TLK1: variants seen among roughly 807,000 people sequenced by gnomAD.
TLK1 encodes the protein serine/threonine-protein kinase tousled-like 1.
TLK1 carries 24 observed loss-of-function variants against 105.3 expected under a neutral mutation model. The ratio of observed to expected loss-of-function variants is 0.23; its 90% CI spans 0.17 to 0.32. The LOEUF is 0.32. TLK1 is among the 10% of genes least tolerant of loss of function. The probability of loss-of-function intolerance (pLI) is 1.00; values close to 1 mark genes in which losing one functional copy is unlikely to be tolerated. For synonymous variants in TLK1, 321 were observed against 310.4 expected, an observed-to-expected ratio of 1.03 and a Z score of -0.36; for missense variants, 558 against 910.5, an observed-to-expected ratio of 0.61 and a Z score of 4.98.
At chr2:171,129,663 A>AC (rs755929571) in intron 1 of TLK1, among the ~76,000 whole-genome samples, 1 of 151,754 alleles carries the variant, frequency 6.6e-6, no homozygotes. Context: ...ACCTGAAGAG[A>AC]CCCCATCTCT....
At chr2:171,148,889 AAATAT>A (rs1338026331) in intron 1 of TLK1, among the ~76,000 whole-genome samples, 3 of 69,954 alleles carry the variant, frequency 4.3e-5, no homozygotes, top group South Asian at 5.6e-4. Context: ...TAAAAAAAAA[AAATAT>A]ATATATATAT....
At chr2:171,034,373 T>A (rs1329225694) in intron 11 of TLK1, among the ~76,000 whole-genome samples, 1 of 152,156 alleles carries the variant, frequency 6.6e-6, no homozygotes, top group African/African-American at 2.4e-5. Context: ...ATGAACAAAT[T>A]GTGCATAATC....
chr2:171,069,692 G>C (rs1475066317), intron 3 of TLK1, among the ~76,000 whole-genome samples: 1 of 152,158 alleles, frequency 6.6e-6, no homozygotes, highest in Non-Finnish European at 1.5e-5. Context: ...TAACTGTACG[G>C]TGTGCTTTTT....
In TLK1 at chr2:171,011,331, T is replaced by G. The variant is rs780921834; in HGVS notation, c.1416+42A>C. ...TCTTAACCACATACTCCTATATCCTTGCTACATTAGTGTAAAAAAAACAGA... is the reference window on the plus strand; with the variant it reads ...TCTTAACCACATACTCCTATATCCTGGCTACATTAGTGTAAAAAAAACAGA... On this transcript the variant is annotated intron_variant, in intron 14 of 20. Coordinates refer to ENST00000431350, the MANE Select transcript of TLK1 (RefSeq NM_012290.5). 14 of 1,536,234 alleles carry G rather than the reference T, an allele frequency of 9.1e-6. No individual in the cohort carries two copies. The East Asian group carries it at 2.5e-4, about 27-fold the overall frequency.
intron 1 of TLK1, among the ~76,000 whole-genome samples, chr2:171,226,221 T>C (rs183052357): frequency 6.6e-6 from 1 of 152,340 alleles, no homozygotes; most frequent in East Asian, 1.9e-4. Context: ...ATCTAACCTA[T>C]TCTGACTGTT....
rs1291266160 is a variant in TLK1, at chr2:171,037,725, A to G, written c.1169+8449T>C. Reference sequence around the variant, plus strand: ...CATAAACCCAACTTGGTCTTCATAAATTAGCATTTTTATATATTATATGTT... The same window carrying G: ...CATAAACCCAACTTGGTCTTCATAAGTTAGCATTTTTATATATTATATGTT... On this transcript the variant is annotated intron_variant, in intron 11 of 20. Transcript: ENST00000431350. Among the ~76,000 whole-genome samples the G allele has an allele frequency of 2.0e-5, 3 of 152,244 alleles. No homozygotes were observed. In the East Asian group the frequency reaches 5.8e-4, roughly 29 times the overall value.
chr2:171,223,045 C>T lies in TLK1; in HGVS notation c.-6+8100G>A, dbSNP rs538110937. Among the ~76,000 whole-genome samples the T allele has an allele frequency of 3.3e-5, 5 of 152,152 alleles. No homozygotes were observed. The East Asian group carries it at 9.7e-4, about 29-fold the overall frequency. The stretch of plus-strand genomic sequence containing the variant: ...AGCCAGGCTCATTTCGAACTCCTGA[C>T]CTCAAATGATCTGCACGCCTCTGCC... On this transcript the variant is annotated intron_variant, in intron 1 of 20. Coordinates refer to the TLK1 transcript ENST00000521943.
At chr2:171,223,896 G>A (rs1048937376) in intron 1 of TLK1, among the ~76,000 whole-genome samples, 6 of 150,076 alleles carry the variant, frequency 4.0e-5, no homozygotes, top group African/African-American at 9.8e-5. Flanking sequence ...TTCCCATTCT[G>A]TGTTGTCTCT....
chr2:171,084,706 A>C (rs1378456578), intron 2 of TLK1, among the ~76,000 whole-genome samples: 1 of 152,234 alleles, frequency 6.6e-6, no homozygotes, highest in East Asian at 1.9e-4. Context: ...ACACACATCC[A>C]CAAAATAGGT....
intron 1 of TLK1, among the ~76,000 whole-genome samples, chr2:171,129,830 A>AATAACATAAT (rs1691022069): frequency 7.0e-6 from 1 of 142,582 alleles, no homozygotes; most frequent in Admixed American, 7.2e-5. Flanking sequence ...TAGGTTACCA[A>AATAACATAAT]ATAACATAAC....
At chr2:171,044,537 C>A (rs1575546321) in intron 11 of TLK1, among the ~76,000 whole-genome samples, 1 of 152,148 alleles carries the variant, frequency 6.6e-6, no homozygotes, top group Admixed American at 6.5e-5. Context: ...ATATTCAAGA[C>A]TGAGACAGAA....
intron 12 of TLK1, among the ~76,000 whole-genome samples, chr2:171,025,517 T>C (rs1685731740): frequency 6.6e-6 from 1 of 152,158 alleles, no homozygotes; most frequent in Non-Finnish European, 1.5e-5. Flanking sequence ...ATCTAAACCG[T>C]AAACTGACTG....
At chr2:171,067,666 A>G (rs34792013) in intron 3 of TLK1, among the ~76,000 whole-genome samples, 87,182 of 151,878 alleles carry the variant, frequency 0.57, 26,921 homozygotes, top group East Asian at 0.95. Context: ...AGAACGTACA[A>G]GTTTGTTACA....
chr2:171,216,169 C>A lies in TLK1; in HGVS notation c.-6+14976G>T, dbSNP rs142843206. ...TTCTGGCTCCAGAGTTGCACACTAA[C>A]CACTATGCTGCCTTAAAAAAACAAG... On this transcript the variant is annotated intron_variant, in intron 1 of 20. Coordinates refer to the TLK1 transcript ENST00000521943. Among the ~76,000 whole-genome samples, 61 of 152,252 alleles carry A rather than the reference C, an allele frequency of 4.0e-4. No individual in the cohort carries two copies. The East Asian group carries it at 0.012, about 29-fold the overall frequency.
chr2:171,161,053 G>T (rs917779208), upstream of TLK1, among the ~76,000 whole-genome samples: 1 of 148,544 alleles, frequency 6.7e-6, no homozygotes, highest in African/African-American at 2.4e-5. Flanking sequence ...TGGGGGCATG[G>T]GGAAGGAGCG....
At chr2:171,017,411 G>C (rs917010337) in intron 12 of TLK1, among the ~76,000 whole-genome samples, 1 of 152,164 alleles carries the variant, frequency 6.6e-6, no homozygotes, top group Non-Finnish European at 1.5e-5. Context: ...ATTGTGAAAA[G>C]CCTATTAGAA....
chr2:170,999,337 A>G (rs975978431), intron 18 of TLK1, among the ~76,000 whole-genome samples: 6 of 152,266 alleles, frequency 3.9e-5, no homozygotes, highest in Non-Finnish European at 1.5e-5. Flanking sequence ...TAAAACCAGC[A>G]AAGATAACCA....
At position 171,196,037 on chromosome 2, in the gene TLK1, CAAAAA is replaced by C. The variant is rs71013021; in HGVS notation, c.-6+35103_-6+35107del. 3.6e-5 allele frequency among the ~76,000 whole-genome samples: 4 copies of C among 111,988 alleles called. No individual in the cohort carries two copies. In the Admixed American group the frequency reaches 4.2e-4, roughly 12 times the overall value. 73.5% of individuals were successfully genotyped at this position (111,988 alleles called of 152,430 possible). On this transcript the variant is annotated intron_variant, in intron 1 of 20. Coordinates refer to the TLK1 transcript ENST00000521943. The stretch of plus-strand genomic sequence containing the variant: ...TGAGTAACAGAGTGAGACTCTGTAT[CAAAAA>C]AAAAAAAAAAGAAAGAAAGAAAAAG...
At chr2:171,061,242 CA>C in intron 3 of TLK1, 86 bp from the exon 4 acceptor site, 13 of 1,287,922 alleles carry the variant, frequency 1.0e-5, no homozygotes, top group East Asian at 2.4e-5. Context: ...GTTTCGAGAC[CA>C]AAAAAATAGC....
Sources: allele counts gnomAD v4.1 joint callset (sites outside exome capture counted in the v4.1 genomes callset), GRCh38; gene constraint gnomAD v4.1.1; transcripts MANE v1.5; gene names NCBI Gene and HGNC (gene_info 2026-07-23, HGNC 2026-07-21).